LAMA1: variants seen among roughly 807,000 people sequenced by gnomAD.
LAMA1 encodes the protein laminin subunit alpha 1.
A neutral mutation model predicts 348.7 loss-of-function variants in LAMA1; 219 were observed. The observed-to-expected ratio is 0.63, with a 90% CI of 0.56 to 0.70. The LOEUF (loss-of-function observed/expected upper bound fraction) is 0.70. Among genes scored for constraint, LAMA1 ranks in the 30% least tolerant of loss-of-function variants. LAMA1 has a pLI of 0.00. For missense variants in LAMA1, 3,744 were observed against 3,888.0 expected, an observed-to-expected ratio of 0.96 and a Z score of 0.99; for synonymous variants, 1,487 against 1,491.0, an observed-to-expected ratio of 1.00 and a Z score of 0.06.
intron 27 of LAMA1, 76 bp from the exon 28 acceptor site, chr18:7,008,684 A>G (rs1164874589): frequency 6.5e-7 from 1 of 1,526,918 alleles, no homozygotes; most frequent in African/African-American, 1.4e-5. Context: ...ATGACCTAAC[A>G]CTTGCATATA....
chr18:7,041,988 A>C (rs543210180), intron 9 of LAMA1, among the ~76,000 whole-genome samples, 157 bp downstream of exon 9: 1 of 152,324 alleles, frequency 6.6e-6, no homozygotes, highest in East Asian at 1.9e-4. Flanking sequence ...GTCCTCAAAA[A>C]CTGCCTGACA....
chr18:6,987,608 C>A (rs1254442462), intron 36 of LAMA1, among the ~76,000 whole-genome samples: 3 of 152,054 alleles, frequency 2.0e-5, no homozygotes, highest in African/African-American at 7.2e-5. Flanking sequence ...TGGAGTATAT[C>A]CTATTAACTC....
chr18:7,051,642 G>C (rs1270297227), intron 3 of LAMA1, among the ~76,000 whole-genome samples: 1 of 152,050 alleles, frequency 6.6e-6, no homozygotes, highest in Non-Finnish European at 1.5e-5. Context: ...AAAGATACTA[G>C]TGTTATGTTA....
At chr18:6,998,491 C>T (rs544193340) in intron 32 of LAMA1, among the ~76,000 whole-genome samples, 2 of 152,310 alleles carry the variant, frequency 1.3e-5, no homozygotes, top group South Asian at 4.1e-4. Flanking sequence ...CTTCCACAGC[C>T]TGCTCTGTCA....
At chr18:6,964,530 C>T (rs953754860) in intron 51 of LAMA1, 132 bp downstream of exon 51, 16 of 1,111,174 alleles carry the variant, frequency 1.4e-5, no homozygotes, top group Non-Finnish European at 1.9e-5. Flanking sequence ...TTTGGACTTG[C>T]AGCCTCTAGA....
intron 1 of LAMA1, among the ~76,000 whole-genome samples, chr18:7,110,187 C>T (rs1008788109): frequency 4.9e-5 from 7 of 143,926 alleles, no homozygotes; most frequent in Non-Finnish European, 7.4e-5. Flanking sequence ...TCCCCCCACC[C>T]GCTGCCAAAA....
chr18:7,003,384 G>A (rs999142206), intron 29 of LAMA1, among the ~76,000 whole-genome samples: 2 of 151,758 alleles, frequency 1.3e-5, no homozygotes, highest in Non-Finnish European at 2.9e-5. Flanking sequence ...CCGAGTAGCC[G>A]GGACTACAGG....
intron 1 of LAMA1, among the ~76,000 whole-genome samples, chr18:7,108,243 G>A (rs911374546): frequency 6.6e-6 from 1 of 151,950 alleles, no homozygotes; most frequent in African/African-American, 2.4e-5. Context: ...GGCTGAGGCA[G>A]GAGAATCACT....
intron 16 of LAMA1, among the ~76,000 whole-genome samples, chr18:7,029,395 G>A (rs1423412919): frequency 6.6e-6 from 1 of 152,192 alleles, no homozygotes; most frequent in Non-Finnish European, 1.5e-5. Flanking sequence ...AGGGTTACAT[G>A]GTTGAGCTAA....
chr18:6,984,160 C>T (rs2057724039), intron 39 of LAMA1, among the ~76,000 whole-genome samples: 1 of 152,022 alleles, frequency 6.6e-6, no homozygotes, highest in African/African-American at 2.4e-5. Flanking sequence ...TTTTCCACTA[C>T]TGATCCCTAA....
chr18:7,065,098 T>C (rs2058117207), intron 3 of LAMA1, among the ~76,000 whole-genome samples: 1 of 152,012 alleles, frequency 6.6e-6, no homozygotes, highest in Non-Finnish European at 1.5e-5. Context: ...CCAGGCATAG[T>C]GGCACGTGCC....
In LAMA1 at chr18:6,965,298, G is replaced by A. The variant is rs1600354531; in HGVS notation, c.7185C>T (p.Asn2395=). ...CATCTGTGTCCCTACCTTGCTTCCG[G>A]TTTCGCTGGAAGGCAATTTTGTACC... The part of the protein sequence containing the change: ...GTWYKIAFQR[N]RKQGVLAVID... Residue 2395 remains asparagine, a synonymous_variant, in exon 50 of 63, where the codon AAC becomes AAT. Coordinates refer to ENST00000389658, the MANE Select transcript of LAMA1 (RefSeq NM_005559.4). 1 of 1,614,178 alleles carries A rather than the reference G, an allele frequency of 6.2e-7. No homozygotes were observed. The highest frequency in any genetic ancestry group is 2.2e-5 in the East Asian group (1 of 44,882).
At chr18:6,969,143 CT>C (rs879261462) in intron 48 of LAMA1, among the ~76,000 whole-genome samples, 74 of 146,782 alleles carry the variant, frequency 5.0e-4, no homozygotes, top group Middle Eastern at 6.9e-3. Context: ...TCCAGATGCA[CT>C]TTTTTTTTTT....
chr18:7,100,470 A>C (rs1598320324), intron 1 of LAMA1, among the ~76,000 whole-genome samples: 1 of 152,204 alleles, frequency 6.6e-6, no homozygotes, highest in African/African-American at 2.4e-5. Context: ...TAATCCTAGG[A>C]ATTTCACTCA....
At chr18:7,103,400 A>G (rs548939281) in intron 1 of LAMA1, among the ~76,000 whole-genome samples, 326 of 149,658 alleles carry the variant, frequency 2.2e-3, no homozygotes, top group African/African-American at 7.6e-3. Context: ...GCGAGACTCC[A>G]TCTCAAAAAT....
chr18:6,995,830 A>G (rs1008178996), intron 33 of LAMA1, among the ~76,000 whole-genome samples: 6 of 152,172 alleles, frequency 3.9e-5, no homozygotes, highest in Admixed American at 1.3e-4. Flanking sequence ...ATAAAGAAAG[A>G]CTTTATAAAT....
At chr18:7,032,323 A>G (rs979854473) in intron 15 of LAMA1, 147 bp from the exon 16 acceptor site, 3 of 698,882 alleles carry the variant, frequency 4.3e-6, no homozygotes. Flanking sequence ...TTAAGTGTAC[A>G]ATTCAATGAC....
intron 16 of LAMA1, among the ~76,000 whole-genome samples, chr18:7,029,212 G>A (rs922524312): frequency 6.6e-6 from 1 of 152,108 alleles, no homozygotes; most frequent in Non-Finnish European, 1.5e-5. Flanking sequence ...TCTGGTTCAG[G>A]GGATCTGAGG....
intron 18 of LAMA1, 96 bp from the exon 19 acceptor site, chr18:7,023,471 G>T: frequency 1.0e-6 from 1 of 985,958 alleles, no homozygotes; most frequent in South Asian, 1.3e-5. Context: ...TAAATCAGAC[G>T]GACTCTGTTC....
Sources: gnomAD v4.1 joint callset for allele counts (sites outside exome capture counted in the v4.1 genomes callset) on GRCh38, gnomAD v4.1.1 for gene constraint, MANE v1.5 for transcripts, NCBI Gene and HGNC (gene_info 2026-07-23, HGNC 2026-07-21) for gene names.